GRM1: variants seen among roughly 807,000 people sequenced by gnomAD.
The protein encoded by GRM1 is glutamate metabotropic receptor 1.
In GRM1, 33 loss-of-function variants were observed where a neutral mutation model predicts 90.9. That is an observed-to-expected ratio of 0.36 (90% CI 0.28 to 0.49). GRM1 has a LOEUF of 0.49. Among genes scored for constraint, GRM1 ranks in the 20% least tolerant of loss-of-function variants. The pLI is 0.99. For missense variants in GRM1, 1,190 were observed against 1,534.3 expected (o/e 0.78, Z 3.75); for synonymous variants, 700 against 613.2 (o/e 1.14, Z -2.09).
intron 2 of GRM1, among the ~76,000 whole-genome samples, chr6:146,247,365 G>T (rs1001443074): frequency 6.6e-6 from 1 of 152,086 alleles, no homozygotes; most frequent in Non-Finnish European, 1.5e-5. Flanking sequence ...TACAAGGAGC[G>T]GGGAGGCAGC....
intron 3 of GRM1, among the ~76,000 whole-genome samples, chr6:146,352,026 A>G (rs1434171286): frequency 6.6e-6 from 1 of 152,206 alleles, no homozygotes; most frequent in Admixed American, 6.5e-5. Flanking sequence ...TATATCTCAT[A>G]AAACCATTAT....
At chr6:146,430,878 C>G (rs1778382342) in intron 7 of GRM1, among the ~76,000 whole-genome samples, 3 of 152,182 alleles carry the variant, frequency 2.0e-5, no homozygotes, top group Admixed American at 1.3e-4. Context: ...TTGAATAACA[C>G]TCTTTATCAT....
At chr6:146,062,817 A>G (rs1775720304) in intron 1 of GRM1, among the ~76,000 whole-genome samples, 1 of 152,106 alleles carries the variant, frequency 6.6e-6, no homozygotes, top group Non-Finnish European at 1.5e-5. Context: ...CTGCCCTCAA[A>G]TAATACCTGC....
intron 5 of GRM1, among the ~76,000 whole-genome samples, chr6:146,363,375 C>A (rs1775564327): frequency 6.6e-6 from 1 of 152,122 alleles, no homozygotes; most frequent in Non-Finnish European, 1.5e-5. Context: ...ATTCAAAGAG[C>A]TCTCTATATT....
At chr6:146,058,547 T>G (rs991205919) in intron 1 of GRM1, among the ~76,000 whole-genome samples, 1 of 152,148 alleles carries the variant, frequency 6.6e-6, no homozygotes, top group African/African-American at 2.4e-5. Flanking sequence ...TGCTGACTAA[T>G]CAGGGTGGTT....
intron 1 of GRM1, among the ~76,000 whole-genome samples, chr6:146,127,841 A>T (rs1237618286): frequency 6.6e-6 from 1 of 152,146 alleles, no homozygotes; most frequent in Non-Finnish European, 1.5e-5. Context: ...TTAAATGATA[A>T]CATGCATTTT....
chr6:146,403,949 T>C (rs1424413098), intron 7 of GRM1, among the ~76,000 whole-genome samples: 1 of 152,130 alleles, frequency 6.6e-6, no homozygotes. Context: ...CATTTATTAT[T>C]TCTTAGTGTT....
intron 1 of GRM1, among the ~76,000 whole-genome samples, chr6:146,158,368 G>A (rs779379029): frequency 1.2e-4 from 18 of 152,196 alleles, no homozygotes; most frequent in Non-Finnish European, 2.4e-4. Flanking sequence ...TGCAGTAGAG[G>A]TAGTAGAATA....
chr6:146,312,117 G>A (rs1468997993), intron 3 of GRM1, among the ~76,000 whole-genome samples: 2 of 151,782 alleles, frequency 1.3e-5, no homozygotes, highest in Non-Finnish European at 2.9e-5. Context: ...CGAGGTGGGC[G>A]GATCAAGAGG....
At chr6:146,230,219 T>A (rs1780400114) in intron 2 of GRM1, among the ~76,000 whole-genome samples, 1 of 152,132 alleles carries the variant, frequency 6.6e-6, no homozygotes, top group Non-Finnish European at 1.5e-5. Flanking sequence ...TTCAAGAGAA[T>A]GAGAAAACAA....
intron 1 of GRM1, among the ~76,000 whole-genome samples, chr6:146,104,439 C>G (rs890666285): frequency 7.0e-6 from 1 of 142,774 alleles, no homozygotes; most frequent in Non-Finnish European, 1.5e-5. Context: ...GACTCCGTCT[C>G]AAAAAAAAGA....
chr6:146,243,545 T>C (rs1780941569), intron 2 of GRM1, among the ~76,000 whole-genome samples: 1 of 151,838 alleles, frequency 6.6e-6, no homozygotes, highest in South Asian at 2.1e-4. Flanking sequence ...TTATTGGGGG[T>C]GATTTTCAAA....
rs967623988 is a variant in GRM1, at chr6:146,399,195, C to A, written c.2156C>A (p.Thr719Asn). The A allele has an allele frequency of 6.2e-7, 1 of 1,614,044 alleles. No homozygotes were observed. The highest frequency in any genetic ancestry group is 8.5e-7 in the Non-Finnish European group (1 of 1,179,944). Reference protein sequence around the residue: ...IASILISVQLTLVVTLIIMEP... With the variant: ...IASILISVQLNLVVTLIIMEP... ...TCAATTCTGATTAGTGTGCAACTAA[C>A]CCTGGTGGTAACCCTGATCATCATG... Residue 719 changes from threonine (T) to asparagine (N), a missense_variant, in exon 7 of 8, where the codon ACC becomes AAC. By Grantham distance (65) the Thr-to-Asn change is moderately conservative. Transcript: ENST00000282753. This position sits in a 1 kb window ranked among gnomAD's most constrained non-coding sequence, Gnocchi z 5.4.
chr6:146,168,660 A>G (rs1777996800), intron 2 of GRM1, among the ~76,000 whole-genome samples: 1 of 151,890 alleles, frequency 6.6e-6, no homozygotes, highest in Non-Finnish European at 1.5e-5. Flanking sequence ...ATTTTCTTCT[A>G]CTTTTTGTTT....
intron 5 of GRM1, among the ~76,000 whole-genome samples, chr6:146,382,376 T>C (rs1435222285): frequency 6.6e-6 from 1 of 150,524 alleles, no homozygotes; most frequent in African/African-American, 2.4e-5. Flanking sequence ...CCCATATTTG[T>C]AAAACAATTA....
At chr6:146,229,590 G>T (rs758088098) in intron 2 of GRM1, among the ~76,000 whole-genome samples, 3 of 151,864 alleles carry the variant, frequency 2.0e-5, no homozygotes, top group Non-Finnish European at 4.4e-5. Flanking sequence ...TTGAATAAGG[G>T]ATTCTTCAAT....
At chr6:146,307,721 A>G (rs1298749503) in intron 3 of GRM1, among the ~76,000 whole-genome samples, 1 of 152,138 alleles carries the variant, frequency 6.6e-6, no homozygotes, top group Non-Finnish European at 1.5e-5. Flanking sequence ...TACCTCTTCT[A>G]ATTGGGTCAC....
intron 5 of GRM1, among the ~76,000 whole-genome samples, chr6:146,378,996 T>C (rs1776215654): frequency 6.6e-6 from 1 of 152,204 alleles, no homozygotes; most frequent in East Asian, 1.9e-4. Context: ...TCCCCAACCA[T>C]GTGAAACTGT....
At chr6:146,155,024 A>G (rs1344422013) in intron 1 of GRM1, among the ~76,000 whole-genome samples, 4 of 151,982 alleles carry the variant, frequency 2.6e-5, no homozygotes, top group Admixed American at 6.6e-5. Context: ...ACTTTTGCCC[A>G]TTTTTCCATT....
Sources: allele counts gnomAD v4.1 joint callset (sites outside exome capture counted in the v4.1 genomes callset), GRCh38; gene constraint gnomAD v4.1.1; non-coding constraint Gnocchi (gnomAD v3.1); transcripts MANE v1.5; gene names NCBI Gene and HGNC (gene_info 2026-07-23, HGNC 2026-07-21).